The following AP1B1 variants were observed in gnomAD, a reference collection of about 807,000 sequenced individuals.
AP1B1 encodes the protein adaptor related protein complex 1 subunit beta 1, also known as AP-1 complex subunit beta-1.
In AP1B1, 36 loss-of-function variants were observed where a neutral mutation model predicts 104.3. The observed-to-expected ratio is 0.35, with a 90% CI of 0.26 to 0.46. The LOEUF is 0.46. Ranked by LOEUF, AP1B1 falls within the 20% of genes least tolerant of loss-of-function variation. AP1B1 has a pLI of 1.00. For missense variants in AP1B1, 901 were observed against 1,247.9 expected, an observed-to-expected ratio of 0.72 and a Z score of 4.19; for synonymous variants, 504 against 517.5, an observed-to-expected ratio of 0.97 and a Z score of 0.35.
chr22:29,328,665 C>A lies in AP1B1; in HGVS notation c.*156G>T, dbSNP rs2061511739. ...ACCCCAGGAGGGGGTGGTGCCCTAC[C>A]CCAGGGATCGGGTGGGTTCTGCCAT... On this transcript the variant is annotated 3_prime_UTR_variant, in exon 23 of 23. Transcript: ENST00000357586. The surrounding 1 kb of genome is among the most constrained non-coding windows in gnomAD (Gnocchi z 4.1). 5.5e-6 allele frequency: 5 copies of A among 916,966 alleles called. No homozygotes were observed. The South Asian group carries it at 6.8e-5, about 12-fold the overall frequency. The allele number at this position is 916,966 out of a possible 1,614,324, so 56.8% of individuals were successfully genotyped here.
intron 1 of AP1B1, among the ~76,000 whole-genome samples, chr22:29,375,664 T>C (rs1198698181): frequency 6.6e-6 from 1 of 152,214 alleles, no homozygotes; most frequent in African/African-American, 2.4e-5. Flanking sequence ...AATGTCAAGA[T>C]GGCTGCCAGG....
intron 7 of AP1B1, among the ~76,000 whole-genome samples, chr22:29,352,755 C>T (rs1047280289): frequency 6.6e-6 from 1 of 152,030 alleles, no homozygotes; most frequent in African/African-American, 2.4e-5. Flanking sequence ...AGAGTGAGAC[C>T]CTGTCTCAAA....
At chr22:29,382,089 C>T (rs901466294) in intron 1 of AP1B1, among the ~76,000 whole-genome samples, 8 of 152,042 alleles carry the variant, frequency 5.3e-5, no homozygotes, top group African/African-American at 1.9e-4. Context: ...GATAGTCTTG[C>T]TCTGTCACCC....
At chr22:29,386,979 T>G (rs1291575583) in intron 1 of AP1B1, among the ~76,000 whole-genome samples, 3 of 152,236 alleles carry the variant, frequency 2.0e-5, no homozygotes, top group African/African-American at 7.2e-5. Flanking sequence ...GGGTACCTTC[T>G]TCCAGAACCT....
chr22:29,331,746 G>A, intron 18 of AP1B1, 41 bp downstream of exon 18: 1 of 1,614,138 alleles, frequency 6.2e-7, no homozygotes, highest in Non-Finnish European at 8.5e-7. Context: ...CCGGCTGGTA[G>A]GTGAGTAAGG....
At chr22:29,374,560 A>T (rs554298237) in intron 1 of AP1B1, among the ~76,000 whole-genome samples, 6 of 74,490 alleles carry the variant, frequency 8.1e-5, no homozygotes, top group Non-Finnish European at 1.7e-4. Flanking sequence ...ACAGAAACTG[A>T]AACTACGGTG....
In AP1B1 at chr22:29,328,525, GCA is replaced by G; in HGVS notation, c.*294_*295del. ...GGCAAGCTCCACACTCACCCTTCAG[GCA>G]CAGCTTCTGTGGCTGCTCTGGCTCT... On this transcript the variant is annotated 3_prime_UTR_variant, in exon 23 of 23. Coordinates refer to ENST00000357586, the MANE Select transcript of AP1B1 (RefSeq NM_001127.4). This position sits in a 1 kb window ranked among gnomAD's most constrained non-coding sequence, Gnocchi z 4.1. 2.7e-6 allele frequency: 1 copy of G among 366,792 alleles called. No individual in the cohort carries two copies. The highest frequency in any genetic ancestry group is 2.1e-5 in the African/African-American group (1 of 48,054). The allele number at this position is 366,792 out of a possible 1,614,324, so 22.7% of individuals were successfully genotyped here. A position where few individuals can be genotyped will look rare whatever the true frequency, so the allele number is the denominator to read the frequency against.
chr22:29,357,524 C>A (rs935535254), intron 5 of AP1B1, among the ~76,000 whole-genome samples: 1 of 151,922 alleles, frequency 6.6e-6, no homozygotes, highest in African/African-American at 2.4e-5. Flanking sequence ...CACCACCATG[C>A]CCAGCTAATT....
chr22:29,380,944 C>A (rs1323577587), intron 1 of AP1B1, among the ~76,000 whole-genome samples: 1 of 152,196 alleles, frequency 6.6e-6, no homozygotes, highest in Non-Finnish European at 1.5e-5. Flanking sequence ...ATAAGAGATG[C>A]ATGCCCCTCC....
chr22:29,353,913 A>C (rs1458646339), intron 7 of AP1B1, among the ~76,000 whole-genome samples: 3 of 152,204 alleles, frequency 2.0e-5, no homozygotes, highest in Non-Finnish European at 4.4e-5. Flanking sequence ...CCCCCTCCCC[A>C]GAGCTGCAGG....
chr22:29,355,800 T>C (rs752549167), intron 6 of AP1B1, among the ~76,000 whole-genome samples: 7 of 151,164 alleles, frequency 4.6e-5, no homozygotes, highest in Non-Finnish European at 7.4e-5. Flanking sequence ...CCTGGGAGAA[T>C]TGATTGAGCC....
chr22:29,330,572 G>A (rs374272793), intron 20 of AP1B1, 40 bp from the exon 21 acceptor site: 2 of 1,612,352 alleles, frequency 1.2e-6, no homozygotes, highest in African/African-American at 1.3e-5. Context: ...CAGTCAGCGC[G>A]GGGGCCTGGG....
chr22:29,331,911 C>T lies in AP1B1; in HGVS notation c.2315G>A (p.Gly772Asp), dbSNP rs1270787153. 1 of 1,609,342 alleles carries T rather than the reference C, an allele frequency of 6.2e-7. No individual in the cohort carries two copies. Among genetic ancestry groups the T allele is most frequent in the African/African-American group, 1.3e-5 (1 of 74,858 alleles). The change falls in exon 18 of 23, where the codon GGC becomes GAC. Residue 772 changes from glycine to aspartate, a missense_variant. Around this residue, in one of 3 missense-constraint regions of AP1B1, gnomAD observed 424 missense variants for 494.0 expected, o/e 0.86. Transcript: ENST00000357586. ...FAIQFNRNSFGLAPAAPLQVH... is the reference protein window; with the variant it reads ...FAIQFNRNSFDLAPAAPLQVH... ...CTGGAGGGGGGCGGCGGGGGCCAGG[C>T]CAAAGCTGGGGAGAGAGAAGCCCCA...
intron 1 of AP1B1, among the ~76,000 whole-genome samples, chr22:29,386,116 G>A (rs1218019388): frequency 2.0e-5 from 3 of 152,190 alleles, no homozygotes; most frequent in African/African-American, 4.8e-5. Context: ...TAGAGTCAAA[G>A]CACCCAAAAA....
At chr22:29,341,790 C>A in intron 12 of AP1B1, 30 bp from the exon 13 acceptor site, 1 of 1,583,512 alleles carries the variant, frequency 6.3e-7, no homozygotes, top group South Asian at 1.1e-5. Context: ...GCCCATGAAA[C>A]TCAGAGTAGC....
intron 1 of AP1B1, among the ~76,000 whole-genome samples, chr22:29,376,487 G>C (rs577302455): frequency 3.9e-5 from 6 of 152,270 alleles, no homozygotes; most frequent in African/African-American, 1.4e-4. Context: ...CTGAACTCAA[G>C]GACATTCAAG....
rs1232198395 is a variant in AP1B1 at position 29,331,836 on chromosome 22, A to G, written c.2390T>C (p.Leu797Pro). The G allele has an allele frequency of 6.2e-7, 1 of 1,612,618 alleles. No individual in the cohort carries two copies. The highest frequency in any genetic ancestry group is 8.5e-7 in the Non-Finnish European group (1 of 1,179,394). ...PNQTVEISLP[L>P]STVGSVMKME... is the part of the protein sequence containing the mutation. ...CTTCATGACCGAGCCCACCGTGCTG[A>G]GAGGCAGGGAGATCTCCACTGTCTG... Residue 797 changes from leucine to proline, a missense_variant, in exon 18 of 23, where the codon CTC (leucine) becomes CCC (proline). By Grantham distance (98) the Leu-to-Pro change is moderately conservative. Around this residue, in one of 3 missense-constraint regions of AP1B1, gnomAD observed 424 missense variants for 494.0 expected, o/e 0.86. Transcript: ENST00000357586.
At chr22:29,331,321 G>T in intron 19 of AP1B1, 128 bp downstream of exon 19, 1 of 935,440 alleles carries the variant, frequency 1.1e-6, no homozygotes, top group Non-Finnish European at 1.7e-6. Context: ...CTGCAGGGAA[G>T]CAGCAACTCC....
intron 22 of AP1B1, 39 bp downstream of exon 22, chr22:29,329,673 G>T (rs375872616): frequency 6.8e-6 from 11 of 1,612,910 alleles, no homozygotes; most frequent in Non-Finnish European, 9.3e-6. Flanking sequence ...AGACAAGACT[G>T]GGGAGGGCGG....
Sources: allele counts gnomAD v4.1 joint callset (sites outside exome capture counted in the v4.1 genomes callset), GRCh38; gene constraint gnomAD v4.1.1; regional missense constraint gnomAD v4.1.1; non-coding constraint Gnocchi (gnomAD v3.1); transcripts MANE v1.5; gene names NCBI Gene and HGNC (gene_info 2026-07-23, HGNC 2026-07-21).